Variants in TECRL observed in about 807,000 individuals in gnomAD.
The protein encoded by TECRL is trans-2,3-enoyl-CoA reductase-like.
TECRL carries 63 observed loss-of-function variants against 52.8 expected under a neutral mutation model. The observed-to-expected ratio is 1.19, with a 90% CI of 0.97 to 1.47. The LOEUF (loss-of-function observed/expected upper bound fraction) is 1.47, where lower values mean the gene tolerates loss of function less well. Ranked by LOEUF, TECRL falls within the 40% of genes most tolerant of loss-of-function variation. The pLI is 0.00. For missense variants in TECRL, 482 were observed against 429.6 expected (o/e 1.12, Z -1.08); for synonymous variants, 164 against 141.9 (o/e 1.16, Z -1.10).
intron 8 of TECRL, among the ~76,000 whole-genome samples, chr4:64,297,819 T>C (rs1723774216): frequency 6.6e-6 from 1 of 151,146 alleles, no homozygotes; most frequent in Non-Finnish European, 1.5e-5. Flanking sequence ...TTATGTCTTA[T>C]ATTGGATTCA....
At chr4:64,283,405 C>A (rs1411754531) in intron 9 of TECRL, among the ~76,000 whole-genome samples, 1 of 151,994 alleles carries the variant, frequency 6.6e-6, no homozygotes, top group Non-Finnish European at 1.5e-5. Context: ...AAAAGGCCTG[C>A]AATGAGTACT....
At chr4:64,367,427 A>C (rs1295614982) in intron 2 of TECRL, among the ~76,000 whole-genome samples, 1 of 152,176 alleles carries the variant, frequency 6.6e-6, no homozygotes, top group Admixed American at 6.6e-5. Context: ...TAATTTTAAA[A>C]CTAATGCAAT....
At chr4:64,371,700 C>G (rs995324804) in intron 2 of TECRL, among the ~76,000 whole-genome samples, 2 of 151,708 alleles carry the variant, frequency 1.3e-5, no homozygotes, top group Non-Finnish European at 3.0e-5. Flanking sequence ...CCTGCTCCAG[C>G]TAGCCACTTT....
intron 5 of TECRL, among the ~76,000 whole-genome samples, chr4:64,313,649 T>G (rs912805735): frequency 2.0e-5 from 3 of 150,066 alleles, no homozygotes; most frequent in Non-Finnish European, 4.5e-5. Flanking sequence ...GCCTGGCTAA[T>G]TTTTTGTATT....
intron 4 of TECRL, among the ~76,000 whole-genome samples, chr4:64,318,459 G>T (rs954915138): frequency 5.3e-5 from 8 of 151,924 alleles, no homozygotes; most frequent in Admixed American, 3.3e-4. Flanking sequence ...TTATATGCAT[G>T]TGTGTGTGTG....
At chr4:64,296,733 G>A (rs780991480) in intron 8 of TECRL, among the ~76,000 whole-genome samples, 9 of 151,660 alleles carry the variant, frequency 5.9e-5, no homozygotes, top group Non-Finnish European at 1.3e-4. Context: ...TGTGATTTTG[G>A]TATTTTTATT....
chr4:64,276,970 A>T, downstream of TECRL: 1 of 1,242,730 alleles, frequency 8.0e-7, no homozygotes, highest in East Asian at 2.6e-5. Context: ...CTACAGGATT[A>T]TACCTGTAGC....
chr4:64,280,122 A>G lies in TECRL; in HGVS notation c.1042T>C (p.Phe348Leu). The G allele has an allele frequency of 6.2e-7, 1 of 1,604,114 alleles. No individual in the cohort carries two copies. The highest frequency in any genetic ancestry group is 1.1e-5 in the South Asian group (1 of 88,944). The change falls in exon 12 of 12, where the codon TTC (phenylalanine) becomes CTC (leucine). Residue 348 changes from phenylalanine (F) to leucine (L), a missense_variant. Phe to Leu is a conservative substitution (Grantham distance 22, BLOSUM62 0). Coordinates refer to ENST00000381210, the MANE Select transcript of TECRL (RefSeq NM_001010874.5). ...QKKHKIYLRK[F>L]NSYIHRKSAM... is the part of the protein sequence containing the mutation. The stretch of plus-strand genomic sequence containing the variant: ...GATTTTCTATGAATATATGAATTGA[A>G]TTTTCTCAGATAAATCTTATGTTTC...
chr4:64,390,194 C>A (rs1487995996), intron 1 of TECRL, among the ~76,000 whole-genome samples: 5 of 151,872 alleles, frequency 3.3e-5, no homozygotes, highest in African/African-American at 1.2e-4. Flanking sequence ...ATTGAGGCTC[C>A]TTACATAATT....
intron 2 of TECRL, among the ~76,000 whole-genome samples, chr4:64,365,958 G>A (rs1188461123): frequency 1.3e-5 from 2 of 152,068 alleles, no homozygotes; most frequent in African/African-American, 4.8e-5. Flanking sequence ...AAAGCTGGAA[G>A]CATCACATTA....
chr4:64,346,331 G>T (rs1007211510), intron 2 of TECRL, among the ~76,000 whole-genome samples: 2 of 152,176 alleles, frequency 1.3e-5, no homozygotes, highest in South Asian at 4.1e-4. Flanking sequence ...TTGTGTGGTG[G>T]CTCCGACCCC....
chr4:64,361,910 A>T (rs1204930614), intron 2 of TECRL, among the ~76,000 whole-genome samples: 2 of 152,188 alleles, frequency 1.3e-5, no homozygotes, highest in Non-Finnish European at 2.9e-5. Context: ...GATAGAAAGG[A>T]GGCTCATCAA....
At chr4:64,345,926 A>AAAAAAAAAAAAAAAAAAAC (rs1560516735) in intron 2 of TECRL, among the ~76,000 whole-genome samples, 1 of 146,326 alleles carries the variant, frequency 6.8e-6, no homozygotes, top group East Asian at 2.0e-4. Flanking sequence ...AAAAAAAAAA[A>AAAAAAAAAAAAAAAAAAAC]AAAAACATTT....
chr4:64,320,885 C>T (rs932636185), intron 4 of TECRL, among the ~76,000 whole-genome samples: 33 of 152,064 alleles, frequency 2.2e-4, no homozygotes, highest in African/African-American at 8.0e-4. Flanking sequence ...TTAAAATGTG[C>T]TTCACAAGAA....
At chr4:64,306,237 G>C (rs1724328862) in intron 6 of TECRL, among the ~76,000 whole-genome samples, 1 of 152,118 alleles carries the variant, frequency 6.6e-6, no homozygotes, top group Non-Finnish European at 1.5e-5. Flanking sequence ...TACCAATGAG[G>C]ACTTTGTCAA....
intron 2 of TECRL, among the ~76,000 whole-genome samples, chr4:64,336,456 C>G (rs1390401404): frequency 6.6e-6 from 1 of 152,116 alleles, no homozygotes; most frequent in African/African-American, 2.4e-5. Flanking sequence ...TTCAAAAAAA[C>G]AGCTCCTGGA....
intron 1 of TECRL, among the ~76,000 whole-genome samples, chr4:64,379,793 A>G (rs1722653706): frequency 6.6e-6 from 1 of 152,118 alleles, no homozygotes; most frequent in Non-Finnish European, 1.5e-5. Flanking sequence ...AATGACTTCT[A>G]GTTCCATCTA....
chr4:64,323,999 A>G (rs1251303405), intron 3 of TECRL, among the ~76,000 whole-genome samples: 1 of 152,162 alleles, frequency 6.6e-6, no homozygotes, highest in Non-Finnish European at 1.5e-5. Context: ...GTGGGGCTTC[A>G]TGAGATTGTT....
Position 64,348,212 on chromosome 4 carries a change from C to T in TECRL, c.287-19656G>A, listed in dbSNP as rs151231363. ...GGTCTCAGGAAAGATATAATCATGG[C>T]GGAAGGCAAAGACGAAGCAAGGACC... is the stretch of plus-strand genomic sequence containing the variant. On this transcript the variant is annotated intron_variant, in intron 2 of 11. Transcript: ENST00000381210. Among the ~76,000 whole-genome samples, 236 of 152,108 alleles carry T rather than the reference C, an allele frequency of 1.6e-3. 1 individual carries two copies. The highest frequency in any genetic ancestry group is 2.0e-3 in the Non-Finnish European group (135 of 68,008).
Sources: gnomAD v4.1 joint callset for allele counts (sites outside exome capture counted in the v4.1 genomes callset) on GRCh38, gnomAD v4.1.1 for gene constraint, MANE v1.5 for transcripts, NCBI Gene and HGNC (gene_info 2026-07-23, HGNC 2026-07-21) for gene names.